The following FHL1 variants were observed in gnomAD, a reference collection of about 807,000 sequenced individuals.
The protein encoded by FHL1 is four and a half LIM domains 1, also known as four and a half LIM domains protein 1.
FHL1 carries 1 observed loss-of-function variant against 20.3 expected under a neutral mutation model. The ratio of observed to expected loss-of-function variants is 0.05; its 90% CI spans 0.02 to 0.23. The LOEUF is 0.23. FHL1 is among the 10% of genes least tolerant of loss of function. The probability of loss-of-function intolerance (pLI) is 1.00; values close to 1 mark genes in which losing one functional copy is unlikely to be tolerated. For synonymous variants in FHL1, 82 were observed against 88.9 expected (o/e 0.92, Z 0.44); for missense variants, 177 against 234.0 (o/e 0.76, Z 1.59).
intron 2 of FHL1, among the ~76,000 whole-genome samples, chrX:136,191,073 T>G (rs1451175098): frequency 9.0e-6 from 1 of 111,633 alleles, no homozygotes; most frequent in African/African-American, 3.3e-5. Flanking sequence ...AAGCTGCCAT[T>G]GAGGGTGGTA....
At chrX:136,206,619 G>T (rs1483450752) in intron 2 of FHL1, 31 bp downstream of exon 2, 41 of 1,208,476 alleles carry the variant, frequency 3.4e-5, no homozygotes, top group Non-Finnish European at 4.5e-5. Context: ...CCAATGGGAA[G>T]GGCTGGGTTT....
chrX:136,209,129 C>A, intron 5 of FHL1: 2 of 645,425 alleles, frequency 3.1e-6, no homozygotes, highest in Non-Finnish European at 4.7e-6. Context: ...TCACTTCATT[C>A]CTCATCTCGC....
chrX:136,147,379 C>G (rs2072123135), upstream of FHL1: 1 of 99,525 alleles, frequency 1.0e-5, no homozygotes, highest in Non-Finnish European at 2.1e-5. Flanking sequence ...TGGGCAGAGC[C>G]CGGCCCCGCG....
At chrX:136,205,667 G>A (rs1328024959) in intron 1 of FHL1, among the ~76,000 whole-genome samples, 2 of 112,427 alleles carry the variant, frequency 1.8e-5, no homozygotes, top group Admixed American at 1.9e-4. Context: ...TAAATTGCAA[G>A]TAAATTTAAA....
upstream of FHL1, chrX:136,169,599 T>C: frequency 4.0e-6 from 1 of 252,037 alleles, no homozygotes; most frequent in Non-Finnish European, 7.4e-6. Context: ...TTGCCAAATG[T>C]TAATTTAAAA....
chrX:136,171,762 C>A (rs1227110344), intron 2 of FHL1, among the ~76,000 whole-genome samples: 2 of 112,519 alleles, frequency 1.8e-5, no homozygotes, highest in Non-Finnish European at 3.8e-5. Flanking sequence ...CCAGTGACAT[C>A]TTTACATTGA....
At chrX:136,181,924 T>C (rs1018248710) in intron 2 of FHL1, among the ~76,000 whole-genome samples, 2 of 112,000 alleles carry the variant, frequency 1.8e-5, no homozygotes, top group South Asian at 3.7e-4. Context: ...TTTCACCAGT[T>C]AACTTCATAA....
chrX:136,181,967 C>G (rs2073168824), intron 2 of FHL1, among the ~76,000 whole-genome samples: 1 of 111,975 alleles, frequency 8.9e-6, no homozygotes, highest in African/African-American at 3.3e-5. Flanking sequence ...GCTTTTTGAA[C>G]AGTACACAAA....
intron 2 of FHL1, among the ~76,000 whole-genome samples, chrX:136,173,619 C>A (rs897500311): frequency 1.8e-5 from 2 of 111,246 alleles, no homozygotes; most frequent in Non-Finnish European, 3.8e-5. Flanking sequence ...CTTGAAATAT[C>A]AGAAGATCTG....
At chrX:136,198,744 G>C (rs934721133) in intron 1 of FHL1, among the ~76,000 whole-genome samples, 4 of 111,924 alleles carry the variant, frequency 3.6e-5, no homozygotes, top group African/African-American at 1.3e-4. Context: ...TCTTGACATT[G>C]AAGACTTTCT....
chrX:136,187,713 G>A (rs1353540991), intron 2 of FHL1, among the ~76,000 whole-genome samples: 1 of 111,711 alleles, frequency 9.0e-6, no homozygotes, highest in Non-Finnish European at 1.9e-5. Context: ...GGTGGGGTAT[G>A]CAGAGTGATG....
chrX:136,164,593 T>C (rs1451879451), intron 1 of FHL1, among the ~76,000 whole-genome samples: 3 of 111,904 alleles, frequency 2.7e-5, no homozygotes, highest in African/African-American at 6.5e-5. Context: ...ATTCTTCCTT[T>C]ATGACCAAAA....
At chrX:136,147,896 C>G in intron 1 of FHL1, 1 of 104,671 alleles carries the variant, frequency 9.6e-6, no homozygotes, top group Middle Eastern at 4.7e-3. Context: ...CCTCGGCCTT[C>G]CCTGGGTTTT....
chrX:136,194,263 A>G (rs1445855356), upstream of FHL1, among the ~76,000 whole-genome samples: 1 of 112,232 alleles, frequency 8.9e-6, no homozygotes, highest in African/African-American at 3.2e-5. Context: ...TAAGGACTGT[A>G]TTTTATTCTT....
Position 136,209,872 on chromosome X carries a change from G to A in FHL1, c.738G>A (p.Gly246=), listed in dbSNP as rs775118713. The A allele has an allele frequency of 1.7e-6, 2 of 1,206,568 alleles. No homozygotes were observed. Among genetic ancestry groups the A allele is most frequent in the Admixed American group, 2.2e-5 (1 of 45,379 alleles). The stretch of plus-strand genomic sequence containing the variant: ...TCTTTTCTTTTTTTTTCCCCCCAGG[G>A]TTTGGTAAAGGCTCCAGTGTGGTGG... ...KCAGCKNPIT[G]FGKGSSVVAY... is the part of the protein sequence containing the mutation. The change falls in exon 6 of 6, where the codon GGG becomes GGA. Residue 246 remains glycine (G), a splice_region_variant and synonymous_variant. Coordinates refer to ENST00000370683, the MANE Select transcript of FHL1 (RefSeq NM_001159699.2).
chrX:136,196,693 T>C (rs1201210941), upstream of FHL1: 80 of 573,256 alleles, frequency 1.4e-4, 1 homozygote, highest in Non-Finnish European at 8.1e-5. Context: ...CAAAAATGTA[T>C]TATTTACAGG....
chrX:136,180,130 A>G (rs1042195253), intron 2 of FHL1, among the ~76,000 whole-genome samples: 4 of 111,951 alleles, frequency 3.6e-5, no homozygotes, highest in African/African-American at 6.5e-5. Context: ...CAAATGTGCA[A>G]TATGCTCAGT....
intron 2 of FHL1, among the ~76,000 whole-genome samples, chrX:136,185,421 C>T: frequency 8.9e-6 from 1 of 112,334 alleles, no homozygotes; most frequent in East Asian, 2.8e-4. Flanking sequence ...AGATAGCTGC[C>T]AGTGTACTTA....
intron 1 of FHL1, chrX:136,204,848 C>T (rs962400310): frequency 8.9e-6 from 1 of 111,936 alleles, no homozygotes; most frequent in Non-Finnish European, 1.9e-5. Flanking sequence ...GCAACAAGAT[C>T]CAAATAACTT....
Sources: gnomAD v4.1 joint callset for allele counts (sites outside exome capture counted in the v4.1 genomes callset) on GRCh38, gnomAD v4.1.1 for gene constraint, MANE v1.5 for transcripts, NCBI Gene and HGNC (gene_info 2026-07-23, HGNC 2026-07-21) for gene names.